Variants in MAPKAP1 observed in about 807,000 individuals in gnomAD.
MAPKAP1 encodes the protein target of rapamycin complex 2 subunit MAPKAP1.
A neutral mutation model predicts 65.7 loss-of-function variants in MAPKAP1; 20 were observed. The ratio of observed to expected loss-of-function variants is 0.30; its 90% CI spans 0.21 to 0.44. The LOEUF (loss-of-function observed/expected upper bound fraction) is 0.44, where lower values mean the gene tolerates loss of function less well. MAPKAP1 is among the 20% of genes least tolerant of loss of function. The probability of loss-of-function intolerance (pLI) is 1.00; values close to 1 mark genes in which losing one functional copy is unlikely to be tolerated. For missense variants in MAPKAP1, 423 were observed against 648.0 expected, an observed-to-expected ratio of 0.65 and a Z score of 3.77; for synonymous variants, 222 against 244.3, an observed-to-expected ratio of 0.91 and a Z score of 0.85.
Position 125,651,998 on chromosome 9 carries a change from C to T in MAPKAP1, c.498+5653G>A, listed in dbSNP as rs144391321. The stretch of plus-strand genomic sequence containing the variant: ...TTTGGGAAAGAGATCCAGAAGCAAA[C>T]GTAGTTTAACATATTAGAAGGGACC... On this transcript the variant is annotated intron_variant, in intron 4 of 11. Transcript: ENST00000265960. 1.1e-3 allele frequency: 705 copies of T among 645,760 alleles called. 1 individual carries two copies. Among genetic ancestry groups the T allele is most frequent in the African/African-American group, 7.8e-3 (405 of 52,016 alleles). 40.0% of individuals were successfully genotyped at this position (645,760 alleles called of 1,614,324 possible). A position where few individuals can be genotyped will look rare whatever the true frequency, so the allele number is the denominator to read the frequency against.
At chr9:125,534,617 C>A (rs1404187889) in intron 7 of MAPKAP1, among the ~76,000 whole-genome samples, 1 of 152,202 alleles carries the variant, frequency 6.6e-6, no homozygotes, top group African/African-American at 2.4e-5. Context: ...TCTTTGGCCT[C>A]TAATTCATTT....
At chr9:125,698,304 T>TATATAAA (rs1835477705) in intron 1 of MAPKAP1, among the ~76,000 whole-genome samples, 4 of 29,684 alleles carry the variant, frequency 1.3e-4, no homozygotes, top group Admixed American at 8.3e-4. Context: ...TATATATATA[T>TATATAAA]ATATATATAT....
At chr9:125,530,610 T>C (rs889979362) in intron 7 of MAPKAP1, among the ~76,000 whole-genome samples, 1 of 152,218 alleles carries the variant, frequency 6.6e-6, no homozygotes, top group Non-Finnish European at 1.5e-5. Flanking sequence ...TCCCTATAGA[T>C]ATATGGTATG....
rs751982142 is a variant in MAPKAP1 at position 125,543,042 on chromosome 9, T to A, written c.958+17A>T. 1 of 1,518,326 alleles carries A rather than the reference T, an allele frequency of 6.6e-7. No homozygotes were observed. Among genetic ancestry groups the A allele is most frequent in the South Asian group, 1.1e-5 (1 of 89,138 alleles). The allele number at this position is 1,518,326 out of a possible 1,614,324, so 94.1% of individuals were successfully genotyped here. Reference sequence around the variant, plus strand: ...TTAAGCTTCTACTACTGTGAGAATATGATTTAACTATCCCACCTGAAACTT... The same window carrying A: ...TTAAGCTTCTACTACTGTGAGAATAAGATTTAACTATCCCACCTGAAACTT... On this transcript the variant is annotated intron_variant, in intron 7 of 11. Transcript: ENST00000265960.
At chr9:125,578,033 G>C (rs1199248769) in intron 5 of MAPKAP1, among the ~76,000 whole-genome samples, 10 of 152,120 alleles carry the variant, frequency 6.6e-5, no homozygotes, top group East Asian at 5.9e-4. Context: ...GATGGTTGCC[G>C]TGTCTGTGTA....
intron 7 of MAPKAP1, among the ~76,000 whole-genome samples, chr9:125,518,984 A>G (rs1263768773): frequency 6.6e-6 from 1 of 152,182 alleles, no homozygotes; most frequent in East Asian, 1.9e-4. Context: ...TGGGTTTTTG[A>G]CAGTAGATCA....
At chr9:125,502,889 C>A (rs1419573767) in intron 8 of MAPKAP1, among the ~76,000 whole-genome samples, 1 of 152,144 alleles carries the variant, frequency 6.6e-6, no homozygotes, top group Non-Finnish European at 1.5e-5. Flanking sequence ...AACCTCCCTC[C>A]ATGATTGGAG....
At chr9:125,629,137 C>T (rs1415493744) in intron 4 of MAPKAP1, among the ~76,000 whole-genome samples, 1 of 151,904 alleles carries the variant, frequency 6.6e-6, no homozygotes, top group Non-Finnish European at 1.5e-5. Flanking sequence ...AAGTGGAAGC[C>T]TGTGCACTGT....
At chr9:125,582,527 G>A (rs1251539074) in intron 5 of MAPKAP1, among the ~76,000 whole-genome samples, 6 of 152,070 alleles carry the variant, frequency 3.9e-5, no homozygotes, top group African/African-American at 1.2e-4. Context: ...CCAAACAGAG[G>A]CCTCCAGACC....
At chr9:125,701,423 C>A (rs536569852) in intron 1 of MAPKAP1, among the ~76,000 whole-genome samples, 1 of 152,180 alleles carries the variant, frequency 6.6e-6, no homozygotes, top group Admixed American at 6.5e-5. Context: ...TTGTAAGTGA[C>A]GTGACCAAAC....
At chr9:125,586,081 C>T (rs1193016919) in intron 4 of MAPKAP1, among the ~76,000 whole-genome samples, 4 of 152,138 alleles carry the variant, frequency 2.6e-5, no homozygotes, top group Non-Finnish European at 5.9e-5. Context: ...TCTCTGGCAA[C>T]TGTCTCATTG....
At chr9:125,619,508 A>T (rs533692880) in intron 4 of MAPKAP1, among the ~76,000 whole-genome samples, 1 of 152,160 alleles carries the variant, frequency 6.6e-6, no homozygotes, top group South Asian at 2.1e-4. Context: ...TATTCTGTAT[A>T]TTATTGCAAA....
rs1852761473 is a variant in MAPKAP1 at position 125,447,511 on chromosome 9, A to G, written c.1346-2913T>C. On this transcript the variant is annotated intron_variant, in intron 10 of 11. Transcript: ENST00000265960. The surrounding 1 kb of genome is among the most constrained non-coding windows in gnomAD (Gnocchi z 4.5). ...CCCTGGGGGGCAAGGGCAGGTTAAG[A>G]TCAGCAGCCATGCTGGGCCATAGGA... 2.2e-6 allele frequency: 1 copy of G among 456,262 alleles called. No homozygotes were observed. The highest frequency in any genetic ancestry group is 2.0e-5 in the African/African-American group (1 of 50,020). The allele number at this position is 456,262 out of a possible 1,614,324, so 28.3% of individuals were successfully genotyped here. A position where few individuals can be genotyped will look rare whatever the true frequency, so the allele number is the denominator to read the frequency against.
intron 1 of MAPKAP1, among the ~76,000 whole-genome samples, chr9:125,683,039 TC>T (rs1254248199): frequency 6.6e-6 from 1 of 150,882 alleles, no homozygotes; most frequent in Non-Finnish European, 1.5e-5. Flanking sequence ...GCTCACAACC[TC>T]CGCCTCCCAG....
intron 6 of MAPKAP1, among the ~76,000 whole-genome samples, chr9:125,552,852 G>A (rs1830622493): frequency 6.6e-6 from 1 of 152,148 alleles, no homozygotes; most frequent in South Asian, 2.1e-4. Context: ...GAACCCAAGA[G>A]TTCCAGTCCA....
chr9:125,586,106 A>C (rs558791753), intron 4 of MAPKAP1, among the ~76,000 whole-genome samples: 10 of 152,128 alleles, frequency 6.6e-5, no homozygotes, highest in Non-Finnish European at 1.2e-4. Flanking sequence ...TGAGACAATG[A>C]GATGAGCTGC....
rs569242782 is a variant in MAPKAP1, at chr9:125,439,174, C to A, written c.1444-162G>T. On this transcript the variant is annotated intron_variant, in intron 11 of 11. Coordinates refer to ENST00000265960, the MANE Select transcript of MAPKAP1 (RefSeq NM_001006617.3). This position sits in a 1 kb window ranked among gnomAD's most constrained non-coding sequence, Gnocchi z 4.0. ...AGTCATCACAGCAACCTGGCAGCGG[C>A]TGGGCCCAGAGCCGCTGCTCTACGA... Among the ~76,000 whole-genome samples, 1 of 152,316 alleles carries A rather than the reference C, an allele frequency of 6.6e-6. No homozygotes were observed. Among genetic ancestry groups the A allele is most frequent in the East Asian group, 1.9e-4 (1 of 5,180 alleles).
intron 1 of MAPKAP1, among the ~76,000 whole-genome samples, chr9:125,683,249 C>T (rs949792397): frequency 2.6e-5 from 4 of 152,148 alleles, no homozygotes; most frequent in Non-Finnish European, 4.4e-5. Flanking sequence ...TGAGCCACTG[C>T]GCCTGGCTTA....
chr9:125,607,384 A>G (rs1473332971), intron 4 of MAPKAP1, among the ~76,000 whole-genome samples: 1 of 152,260 alleles, frequency 6.6e-6, no homozygotes, highest in African/African-American at 2.4e-5. Context: ...GCTAATATTT[A>G]TCAAACACTA....
Sources: gnomAD v4.1 joint callset for allele counts (sites outside exome capture counted in the v4.1 genomes callset) on GRCh38, gnomAD v4.1.1 for gene constraint, Gnocchi (gnomAD v3.1) non-coding constraint, MANE v1.5 for transcripts, NCBI Gene and HGNC (gene_info 2026-07-23, HGNC 2026-07-21) for gene names.